Variants in CMSS1 observed in about 807,000 individuals in gnomAD.
CMSS1 encodes the protein cms1 ribosomal small subunit homolog, also known as protein CMSS1.
A neutral mutation model predicts 43.5 loss-of-function variants in CMSS1; 33 were observed. The ratio of observed to expected loss-of-function variants is 0.76; its 90% CI spans 0.57 to 1.01. CMSS1 has a LOEUF of 1.01. Among genes scored for constraint, CMSS1 ranks in the 50% least tolerant of loss-of-function variants. The pLI, the probability that CMSS1 is intolerant of heterozygous loss-of-function variation, is 0.00. For missense variants in CMSS1, 313 were observed against 326.4 expected (o/e 0.96, Z 0.32); for synonymous variants, 115 against 117.2 (o/e 0.98, Z 0.12).
chr3:99,925,280 A>T (rs138947371), intron 1 of CMSS1, among the ~76,000 whole-genome samples: 1 of 152,328 alleles, frequency 6.6e-6, no homozygotes, highest in African/African-American at 2.4e-5. Context: ...GTCCATTCAG[A>T]TTTTCACAGC....
intron 1 of CMSS1, among the ~76,000 whole-genome samples, chr3:100,015,160 T>A (rs1224477305): frequency 6.6e-6 from 1 of 152,006 alleles, no homozygotes; most frequent in Non-Finnish European, 1.5e-5. Flanking sequence ...GTCCTTTTCC[T>A]ATTTTGCATT....
At chr3:100,083,934 A>T (rs2065968617) in intron 1 of CMSS1, among the ~76,000 whole-genome samples, 1 of 152,214 alleles carries the variant, frequency 6.6e-6, no homozygotes, top group African/African-American at 2.4e-5. Context: ...GGTTGTGAGC[A>T]TAATTATCAA....
rs141319248 is a variant in CMSS1 at position 100,072,232 on chromosome 3, C to G, written c.65-74741C>G. On this transcript the variant is annotated intron_variant, in intron 1 of 9. Coordinates refer to ENST00000421999, the MANE Select transcript of CMSS1 (RefSeq NM_032359.4). ...CCAAAGTCTTTCAGCTCTATCTCCC[C>G]AAGCCCAAACCCAAGGATTATTCAG... 1.1e-4 allele frequency among the ~76,000 whole-genome samples: 17 copies of G among 152,318 alleles called. No individual in the cohort carries two copies. The East Asian group carries it at 3.3e-3, about 29-fold the overall frequency.
chr3:99,876,586 G>A (rs1705536510), intron 1 of CMSS1, among the ~76,000 whole-genome samples: 1 of 152,196 alleles, frequency 6.6e-6, no homozygotes, highest in Non-Finnish European at 1.5e-5. Flanking sequence ...CTGGGGGTAG[G>A]CGGGAGAGGG....
At chr3:100,111,480 G>A (rs533684162) in intron 1 of CMSS1, among the ~76,000 whole-genome samples, 8 of 152,268 alleles carry the variant, frequency 5.3e-5, no homozygotes, top group Non-Finnish European at 5.9e-5. Context: ...GGTCAAGTGC[G>A]TAATTGATAT....
chr3:100,114,770 C>G (rs1394712061), intron 1 of CMSS1, among the ~76,000 whole-genome samples: 2 of 152,134 alleles, frequency 1.3e-5, no homozygotes, highest in African/African-American at 4.8e-5. Flanking sequence ...TAAATTGCAC[C>G]TCATTTTGTA....
chr3:99,938,939 A>G (rs1055031015), intron 1 of CMSS1, among the ~76,000 whole-genome samples: 1 of 152,210 alleles, frequency 6.6e-6, no homozygotes, highest in African/African-American at 2.4e-5. Context: ...ACAATTGAAA[A>G]CAAGATAACC....
chr3:99,861,381 T>C (rs1944245475), intron 1 of CMSS1, among the ~76,000 whole-genome samples: 1 of 152,226 alleles, frequency 6.6e-6, no homozygotes, highest in African/African-American at 2.4e-5. Context: ...ATGTGATGCC[T>C]TGTATTATCA....
chr3:99,853,047 C>T (rs1206368816), intron 1 of CMSS1, among the ~76,000 whole-genome samples: 2 of 152,176 alleles, frequency 1.3e-5, no homozygotes, highest in East Asian at 3.8e-4. Context: ...TGGCAAAAGG[C>T]TTGCCCATGG....
At chr3:100,087,163 T>C (rs2066023393) in intron 1 of CMSS1, among the ~76,000 whole-genome samples, 1 of 152,256 alleles carries the variant, frequency 6.6e-6, no homozygotes, top group Non-Finnish European at 1.5e-5. Context: ...ACTATTAATG[T>C]TCACGTACAG....
chr3:99,879,821 G>A (rs1246368520), intron 1 of CMSS1, among the ~76,000 whole-genome samples: 2 of 152,172 alleles, frequency 1.3e-5, no homozygotes, highest in Admixed American at 1.3e-4. Context: ...TATAAGACCT[G>A]GTCTTATGGA....
chr3:100,033,281 A>G (rs1046263058), intron 1 of CMSS1, among the ~76,000 whole-genome samples: 2 of 152,242 alleles, frequency 1.3e-5, no homozygotes, highest in Non-Finnish European at 2.9e-5. Flanking sequence ...TCCTTGAACT[A>G]TTCACTGTCT....
At position 100,174,578 on chromosome 3, in the gene CMSS1, A is replaced by G. The variant is rs146579886; in HGVS notation, c.668-1749A>G. Among the ~76,000 whole-genome samples, 541 of 152,332 alleles carry G rather than the reference A, an allele frequency of 3.6e-3. 2 individuals are homozygous for G. Among genetic ancestry groups the G allele is most frequent in the African/African-American group, 0.012 (515 of 41,580 alleles). On this transcript the variant is annotated intron_variant, in intron 8 of 9. Transcript: ENST00000421999. ...TTTACATCTGATTCTAATTGGATGA[A>G]TGGTTTCATATTCATTAACCACAGG...
At chr3:100,058,482 A>G (rs1346622077) in intron 1 of CMSS1, among the ~76,000 whole-genome samples, 1 of 152,220 alleles carries the variant, frequency 6.6e-6, no homozygotes, top group Admixed American at 6.5e-5. Context: ...CAAGCTTCCC[A>G]TTGATGACCT....
At chr3:100,068,357 TG>T (rs2065702385) in intron 1 of CMSS1, among the ~76,000 whole-genome samples, 2 of 143,202 alleles carry the variant, frequency 1.4e-5, no homozygotes, top group African/African-American at 5.1e-5. Flanking sequence ...CCTCTGTGTG[TG>T]TGTGTGTGTG....
chr3:99,864,922 G>T (rs774256512), intron 1 of CMSS1, among the ~76,000 whole-genome samples: 1 of 152,030 alleles, frequency 6.6e-6, no homozygotes, highest in Non-Finnish European at 1.5e-5. Context: ...GCGCACACAC[G>T]CATCTCATTC....
At chr3:100,174,369 C>T (rs375713503) in intron 8 of CMSS1, among the ~76,000 whole-genome samples, 1 of 152,054 alleles carries the variant, frequency 6.6e-6, no homozygotes, top group Non-Finnish European at 1.5e-5. Context: ...CCCCAGCCCC[C>T]ACCCCATGCA....
At chr3:99,901,008 A>G (rs1441753744) in intron 1 of CMSS1, among the ~76,000 whole-genome samples, 1 of 152,224 alleles carries the variant, frequency 6.6e-6, no homozygotes, top group Non-Finnish European at 1.5e-5. Flanking sequence ...TTTGCTTCTT[A>G]TTGATAATTA....
chr3:100,147,265 C>CTTTTTTTTTTT (rs71132514), intron 2 of CMSS1, among the ~76,000 whole-genome samples: 7 of 86,850 alleles, frequency 8.1e-5, no homozygotes, highest in Middle Eastern at 7.4e-3. Flanking sequence ...AATTCTTTTT[C>CTTTTTTTTTTT]TTTTTTTTTT....
Sources: allele counts gnomAD v4.1 joint callset (sites outside exome capture counted in the v4.1 genomes callset), GRCh38; gene constraint gnomAD v4.1.1; transcripts MANE v1.5; gene names NCBI Gene and HGNC (gene_info 2026-07-23, HGNC 2026-07-21).